Variants in ROBO2 observed in about 807,000 individuals in gnomAD.
The protein encoded by ROBO2 is roundabout guidance receptor 2.
A neutral mutation model predicts 160.8 loss-of-function variants in ROBO2; 53 were observed. The ratio of observed to expected loss-of-function variants is 0.33; its 90% CI spans 0.26 to 0.41. The LOEUF is 0.41. Among genes scored for constraint, ROBO2 ranks in the 10% least tolerant of loss-of-function variants. ROBO2 has a pLI of 1.00. For synonymous variants in ROBO2, 664 were observed against 611.7 expected (o/e 1.09, Z -1.26); for missense variants, 1,577 against 1,722.4 (o/e 0.92, Z 1.49).
intron 2 of ROBO2, among the ~76,000 whole-genome samples, chr3:76,089,226 A>T (rs1382628993): frequency 6.6e-6 from 1 of 152,102 alleles, no homozygotes; most frequent in Non-Finnish European, 1.5e-5. Flanking sequence ...CCAGACCCAG[A>T]TGAGTTCAGG....
At chr3:76,911,042 A>G (rs2075962908) in intron 2 of ROBO2, among the ~76,000 whole-genome samples, 1 of 152,166 alleles carries the variant, frequency 6.6e-6, no homozygotes, top group African/African-American at 2.4e-5. Flanking sequence ...AGGTTCTATA[A>G]TCTACCATCT....
intron 2 of ROBO2, among the ~76,000 whole-genome samples, chr3:76,078,488 C>G (rs113644757): frequency 6.6e-6 from 1 of 152,094 alleles, no homozygotes; most frequent in Non-Finnish European, 1.5e-5. Context: ...GCCTCAGCTT[C>G]CCAAGTAGCT....
intron 2 of ROBO2, among the ~76,000 whole-genome samples, chr3:77,381,563 C>G (rs1229471914): frequency 6.6e-6 from 1 of 152,180 alleles, no homozygotes; most frequent in Non-Finnish European, 1.5e-5. Flanking sequence ...ATTTCATACT[C>G]TGACTATTTT....
At chr3:77,485,918 T>C (rs1385180385) in intron 4 of ROBO2, among the ~76,000 whole-genome samples, 1 of 152,102 alleles carries the variant, frequency 6.6e-6, no homozygotes, top group African/African-American at 2.4e-5. Context: ...AGCTATTCTT[T>C]CTGATGCTCT....
At chr3:76,736,969 C>T (rs2093723107) in intron 2 of ROBO2, among the ~76,000 whole-genome samples, 1 of 152,124 alleles carries the variant, frequency 6.6e-6, no homozygotes. Context: ...CTCTATCCTG[C>T]TTTTATGTGC....
chr3:76,693,774 A>T (rs563040297), intron 2 of ROBO2, among the ~76,000 whole-genome samples: 2 of 152,198 alleles, frequency 1.3e-5, no homozygotes, highest in African/African-American at 4.8e-5. Context: ...GTCTAAGGGC[A>T]GGAGATGAGT....
At chr3:76,740,177 C>T (rs2093779272) in intron 2 of ROBO2, among the ~76,000 whole-genome samples, 1 of 151,984 alleles carries the variant, frequency 6.6e-6, no homozygotes, top group African/African-American at 2.4e-5. Context: ...ATAAAAGATA[C>T]AAAGGAGGAT....
chr3:76,878,721 C>T (rs1370194266), intron 2 of ROBO2, among the ~76,000 whole-genome samples: 2 of 152,068 alleles, frequency 1.3e-5, no homozygotes, highest in Non-Finnish European at 2.9e-5. Context: ...CTTCATTTAG[C>T]ACACCAATGG....
intron 2 of ROBO2, among the ~76,000 whole-genome samples, chr3:76,973,663 G>A (rs1377987554): frequency 6.6e-6 from 1 of 152,062 alleles, no homozygotes; most frequent in East Asian, 1.9e-4. Flanking sequence ...CAAGAGACAT[G>A]GCATGACTTT....
chr3:76,983,249 T>G (rs1184138007), intron 2 of ROBO2, among the ~76,000 whole-genome samples: 1 of 152,086 alleles, frequency 6.6e-6, no homozygotes, highest in Non-Finnish European at 1.5e-5. Context: ...ATAGCGCCAC[T>G]GCACTCCAGG....
intron 2 of ROBO2, among the ~76,000 whole-genome samples, chr3:76,016,910 T>C (rs1378696474): frequency 1.3e-5 from 2 of 152,150 alleles, no homozygotes; most frequent in Non-Finnish European, 2.9e-5. Context: ...GGAACCCATA[T>C]AATGGATTAA....
At chr3:77,450,580 A>G (rs991556246) in intron 2 of ROBO2, among the ~76,000 whole-genome samples, 1 of 152,020 alleles carries the variant, frequency 6.6e-6, no homozygotes, top group African/African-American at 2.4e-5. Context: ...ATAAATTTCT[A>G]TTTGTCTTAC....
chr3:77,490,319 T>C (rs2085939135), intron 4 of ROBO2, among the ~76,000 whole-genome samples: 1 of 152,060 alleles, frequency 6.6e-6, no homozygotes, highest in South Asian at 2.1e-4. Context: ...CTCGATTTCC[T>C]GACCTCGTGA....
intron 2 of ROBO2, among the ~76,000 whole-genome samples, chr3:76,967,408 T>A (rs996806410): frequency 6.6e-6 from 1 of 151,562 alleles, no homozygotes; most frequent in Non-Finnish European, 1.5e-5. Flanking sequence ...GTTTCCGCCA[T>A]GTTGCCCAGG....
intron 2 of ROBO2, among the ~76,000 whole-genome samples, chr3:77,456,070 C>T (rs1050934429): frequency 6.6e-6 from 1 of 152,080 alleles, no homozygotes; most frequent in Admixed American, 6.6e-5. Flanking sequence ...TCATATGTAA[C>T]CTTGAATTCT....
At chr3:77,131,544 A>G (rs2075854088) in intron 2 of ROBO2, among the ~76,000 whole-genome samples, 1 of 152,188 alleles carries the variant, frequency 6.6e-6, no homozygotes, top group African/African-American at 2.4e-5. Context: ...GTAAAAAGAG[A>G]TTGGAGATCC....
At chr3:76,569,301 G>A (rs545340114) in intron 2 of ROBO2, among the ~76,000 whole-genome samples, 16 of 151,972 alleles carry the variant, frequency 1.1e-4, no homozygotes, top group African/African-American at 3.9e-4. Flanking sequence ...TATACATGTG[G>A]GCATCTGGAT....
At chr3:77,118,107 A>G (rs1163569578) in intron 2 of ROBO2, among the ~76,000 whole-genome samples, 1 of 152,176 alleles carries the variant, frequency 6.6e-6, no homozygotes, top group East Asian at 1.9e-4. Context: ...ATTGTGGGCC[A>G]TTATTTATTG....
chr3:77,300,906 C>G (rs1221312964), intron 2 of ROBO2, among the ~76,000 whole-genome samples: 5 of 151,754 alleles, frequency 3.3e-5, no homozygotes, highest in Non-Finnish European at 5.9e-5. Flanking sequence ...GAGTCTCACT[C>G]TGTCACCCAG....
Sources: allele counts gnomAD v4.1 joint callset (sites outside exome capture counted in the v4.1 genomes callset), GRCh38; gene constraint gnomAD v4.1.1; transcripts MANE v1.5; gene names NCBI Gene and HGNC (gene_info 2026-07-23, HGNC 2026-07-21).